CRYBA4: variants seen among roughly 807,000 people sequenced by gnomAD.
CRYBA4 encodes crystallin beta A4.
CRYBA4 carries 30 observed loss-of-function variants against 31.7 expected under a neutral mutation model. The ratio of observed to expected loss-of-function variants is 0.95; its 90% CI spans 0.71 to 1.28. The LOEUF (loss-of-function observed/expected upper bound fraction) is 1.28, where lower values mean the gene tolerates loss of function less well. Among genes scored for constraint, CRYBA4 ranks in the 50% most tolerant of loss-of-function variants. The probability of loss-of-function intolerance (pLI) is 0.00; values close to 1 mark genes in which losing one functional copy is unlikely to be tolerated. For missense variants in CRYBA4, 225 were observed against 260.7 expected, an observed-to-expected ratio of 0.86 and a Z score of 0.94; for synonymous variants, 102 against 102.3, an observed-to-expected ratio of 1.00 and a Z score of 0.02.
At position 26,630,462 on chromosome 22, in the gene CRYBA4, A is replaced by C. The variant is rs1240738886; in HGVS notation, c.566A>C (p.Gln189Pro). Reference sequence around the variant, plus strand: ...TCTCATGCCCCGACCTTCCAGGTGCAGAGCATCCGCAGGATCCAGCAGTGA... The same window carrying C: ...TCTCATGCCCCGACCTTCCAGGTGCCGAGCATCCGCAGGATCCAGCAGTGA... ...WGSHAPTFQV[Q>P]SIRRIQQ The change falls in exon 6 of 6, where the codon CAG (glutamine) becomes CCG (proline). Residue 189 changes from glutamine (Q) to proline (P), a missense_variant. Gln to Pro is a moderately conservative substitution (Grantham distance 76). Coordinates refer to ENST00000354760, the MANE Select transcript of CRYBA4 (RefSeq NM_001886.3). 2 of 1,613,970 alleles carry C rather than the reference A, an allele frequency of 1.2e-6. No homozygotes were observed. The highest frequency in any genetic ancestry group is 1.7e-6 in the Non-Finnish European group (2 of 1,179,994).
the CRYBA4 span, among the ~76,000 whole-genome samples, chr22:26,591,889 G>C: frequency 1.5e-5 from 1 of 65,228 alleles, no homozygotes; most frequent in South Asian, 5.8e-4. Context: ...TCCTGGGTGA[G>C]TACACACACA....
rs752679692 is a variant in CRYBA4, at chr22:26,630,515, G to A, written c.*28G>A. 4 of 1,600,206 alleles carry A rather than the reference G, an allele frequency of 2.5e-6. No individual in the cohort carries two copies. The African/African-American group carries it at 5.3e-5, about 21-fold the overall frequency. On this transcript the variant is annotated 3_prime_UTR_variant, in exon 6 of 6. Coordinates refer to ENST00000354760, the MANE Select transcript of CRYBA4 (RefSeq NM_001886.3). ...AGGGGTGCGGCACGGAGGAGCGCAT[G>A]CGTGCTTATCTGCAATGGAGGCGCT...
chr22:26,592,469 C>G, the CRYBA4 span, among the ~76,000 whole-genome samples: 4 of 152,152 alleles, frequency 2.6e-5, no homozygotes, highest in South Asian at 4.1e-4. Context: ...TGTATACATG[C>G]CAGAGGCATG....
chr22:26,611,398 C>T, the CRYBA4 span, among the ~76,000 whole-genome samples: 11 of 151,908 alleles, frequency 7.2e-5, no homozygotes, highest in African/African-American at 2.2e-4. Context: ...GAGGGGACAG[C>T]GAGTGGACAC....
At chr22:26,603,452 C>G in the CRYBA4 span, among the ~76,000 whole-genome samples, 2 of 151,820 alleles carry the variant, frequency 1.3e-5, no homozygotes, top group Non-Finnish European at 2.9e-5. Flanking sequence ...GTCACTTGAA[C>G]CTGGGAGGTG....
the CRYBA4 span, among the ~76,000 whole-genome samples, chr22:26,594,217 G>A: frequency 2.6e-5 from 4 of 152,304 alleles, no homozygotes; most frequent in East Asian, 5.8e-4. Context: ...ATTGGCTGTC[G>A]TGGCAGTTTG....
Position 26,630,596 on chromosome 22 carries a change from C to A in CRYBA4, c.*109C>A, listed in dbSNP as rs1569213192. ...CCTCCCCCTGTAACCTGTGTGAACC[C>A]AGCACCCATGTGAACTGGTCCGTGC... On this transcript the variant is annotated 3_prime_UTR_variant, in exon 6 of 6. Transcript: ENST00000354760. 3.1e-6 allele frequency: 3 copies of A among 958,072 alleles called. No homozygotes were observed. The East Asian group carries it at 7.8e-5, about 25-fold the overall frequency. 59.3% of individuals were successfully genotyped at this position (958,072 alleles called of 1,614,324 possible). A position where few individuals can be genotyped will look rare whatever the true frequency, so the allele number is the denominator to read the frequency against.
intron 5 of CRYBA4, among the ~76,000 whole-genome samples, chr22:26,629,734 C>CAAAAAAAAAAAA (rs66906132): frequency 0.077 from 6,164 of 79,638 alleles, 969 homozygotes; most frequent in Non-Finnish European, 0.1. Flanking sequence ...GACTCTGTCT[C>CAAAAAAAAAAAA]AAAAAAAAAA....
the CRYBA4 span, among the ~76,000 whole-genome samples, chr22:26,591,974 C>T: frequency 6.6e-6 from 1 of 151,820 alleles, no homozygotes; most frequent in Non-Finnish European, 1.5e-5. Flanking sequence ...CATGGCCAGC[C>T]ACATGTTCAT....
intron 3 of CRYBA4, among the ~76,000 whole-genome samples, chr22:26,624,512 AC>A (rs937401901): frequency 6.6e-6 from 1 of 152,226 alleles, no homozygotes; most frequent in Non-Finnish European, 1.5e-5. Flanking sequence ...ACTTAATGCT[AC>A]ACCTGTGAGT....
intron 2 of CRYBA4, 139 bp downstream of exon 2, chr22:26,622,774 G>A: frequency 1.4e-6 from 1 of 720,924 alleles, no homozygotes; most frequent in Non-Finnish European, 2.5e-6. Context: ...GGACTTGTAT[G>A]TCACATACAG....
At chr22:26,602,261 G>A in the CRYBA4 span, among the ~76,000 whole-genome samples, 2 of 152,042 alleles carry the variant, frequency 1.3e-5, no homozygotes, top group African/African-American at 2.4e-5. Context: ...CACTGAGCAC[G>A]ATGCCTGGCA....
intron 5 of CRYBA4, among the ~76,000 whole-genome samples, chr22:26,629,522 A>G (rs888104148): frequency 1.3e-5 from 2 of 151,892 alleles, no homozygotes; most frequent in Non-Finnish European, 2.9e-5. Flanking sequence ...TGGGCGGATC[A>G]CCTGAGGTCA....
At chr22:26,597,393 G>A in the CRYBA4 span, among the ~76,000 whole-genome samples, 3 of 152,286 alleles carry the variant, frequency 2.0e-5, no homozygotes, top group East Asian at 3.9e-4. Context: ...CATGGTAGAC[G>A]TCCCAGATTT....
At chr22:26,613,228 G>C in the CRYBA4 span, among the ~76,000 whole-genome samples, 1 of 152,208 alleles carries the variant, frequency 6.6e-6, no homozygotes, top group African/African-American at 2.4e-5. Flanking sequence ...GTTCCAAGTT[G>C]GGACAACGTT....
the CRYBA4 span, among the ~76,000 whole-genome samples, chr22:26,598,321 C>G: frequency 6.6e-6 from 1 of 152,048 alleles, no homozygotes; most frequent in Non-Finnish European, 1.5e-5. Context: ...CTGCCTGCTT[C>G]CTTCCTTCCT....
upstream of CRYBA4, among the ~76,000 whole-genome samples, chr22:26,620,548 A>G (rs1929500420): frequency 7.0e-6 from 1 of 142,786 alleles, no homozygotes; most frequent in African/African-American, 2.6e-5. Flanking sequence ...CATCAAAGTC[A>G]TGCATTCCTT....
At chr22:26,596,184 C>T in the CRYBA4 span, among the ~76,000 whole-genome samples, 1 of 152,178 alleles carries the variant, frequency 6.6e-6, no homozygotes, top group Non-Finnish European at 1.5e-5. Flanking sequence ...CAACCTCCAC[C>T]TCCTGGGTTC....
At chr22:26,612,322 A>G in the CRYBA4 span, 514 of 667,504 alleles carry the variant, frequency 7.7e-4, 8 homozygotes, top group African/African-American at 8.5e-3. Flanking sequence ...TTGTGAAATG[A>G]TCCTGTCCTC....
Sources: gnomAD v4.1 joint callset for allele counts (sites outside exome capture counted in the v4.1 genomes callset) on GRCh38, gnomAD v4.1.1 for gene constraint, MANE v1.5 for transcripts, NCBI Gene and HGNC (gene_info 2026-07-23, HGNC 2026-07-21) for gene names.